Variants in IQSEC1 observed in about 807,000 individuals in gnomAD.
IQSEC1 encodes the protein IQ motif and Sec7 domain ArfGEF 1, also known as IQ motif and SEC7 domain-containing protein 1.
A neutral mutation model predicts 91.0 loss-of-function variants in IQSEC1; 31 were observed. That is an observed-to-expected ratio of 0.34 (90% CI 0.26 to 0.46). The LOEUF is 0.46. Among genes scored for constraint, IQSEC1 ranks in the 20% least tolerant of loss-of-function variants. The pLI is 1.00. For synonymous variants in IQSEC1, 699 were observed against 662.6 expected (o/e 1.05, Z -0.84); for missense variants, 1,388 against 1,575.6 (o/e 0.88, Z 2.02).
At chr3:12,980,924 G>A (rs1404202747) in intron 1 of IQSEC1, among the ~76,000 whole-genome samples, 3 of 152,218 alleles carry the variant, frequency 2.0e-5, no homozygotes, top group African/African-American at 7.2e-5. Flanking sequence ...TTGACCTCAG[G>A]AGGGACCCTG....
intron 1 of IQSEC1, among the ~76,000 whole-genome samples, chr3:13,185,945 T>C (rs1240226788): frequency 6.6e-6 from 1 of 152,240 alleles, no homozygotes; most frequent in East Asian, 1.9e-4. Flanking sequence ...GCGGGTCCCA[T>C]AGCAAATGCC....
chr3:13,113,729 C>T (rs1255091216), intron 2 of IQSEC1, among the ~76,000 whole-genome samples: 1 of 152,124 alleles, frequency 6.6e-6, no homozygotes, highest in African/African-American at 2.4e-5. Flanking sequence ...CAGCGTGGGC[C>T]GCATGGCAGG....
Position 13,252,218 on chromosome 3 carries a change from C to T in IQSEC1, c.272+30493G>A. Among the ~76,000 whole-genome samples the T allele has an allele frequency of 1.3e-5, 2 of 152,136 alleles. 1 individual carries two copies. The highest frequency in any genetic ancestry group is 3.9e-4 in the East Asian group (2 of 5,192). ...CTCACCAATCCCCCTCCCCTCAGCC[C>T]CTGGCGTCCATCCTTCCACTTTCTG... On this transcript the variant is annotated intron_variant, in intron 1 of 15. Coordinates refer to the IQSEC1 transcript ENST00000648114.
chr3:12,975,684 C>A (rs902714501), intron 1 of IQSEC1, among the ~76,000 whole-genome samples: 4 of 152,192 alleles, frequency 2.6e-5, no homozygotes, highest in Non-Finnish European at 4.4e-5. Context: ...GACAGGTTGT[C>A]TCATTTAAGC....
At chr3:13,005,522 C>CAGGA (rs1702600269) in intron 1 of IQSEC1, among the ~76,000 whole-genome samples, 1 of 152,162 alleles carries the variant, frequency 6.6e-6, no homozygotes. Context: ...GGCAGGCAGG[C>CAGGA]AGGAGGCGCC....
intron 2 of IQSEC1, among the ~76,000 whole-genome samples, chr3:13,154,356 C>T (rs566352228): frequency 8.1e-4 from 119 of 146,064 alleles, no homozygotes; most frequent in African/African-American, 2.9e-3. Context: ...GGAGGAAGCT[C>T]CCTGATGGGT....
rs560180293 is a variant in IQSEC1, at chr3:13,177,358, C to T, written c.273-13225G>A. Among the ~76,000 whole-genome samples, 19 of 152,350 alleles carry T rather than the reference C, an allele frequency of 1.2e-4. No individual in the cohort carries two copies. The East Asian group carries it at 3.7e-3, about 29-fold the overall frequency. On this transcript the variant is annotated intron_variant, in intron 1 of 15. Transcript: ENST00000648114. Reference sequence around the variant, plus strand: ...CTGCCACCCCCACCCCATCCCCATGCTGGGTAGAGAGAAAAGCAATGGCTT... The same window carrying T: ...CTGCCACCCCCACCCCATCCCCATGTTGGGTAGAGAGAAAAGCAATGGCTT...
intron 1 of IQSEC1, among the ~76,000 whole-genome samples, chr3:13,020,594 A>G (rs1185704766): frequency 6.6e-6 from 1 of 152,218 alleles, no homozygotes; most frequent in Non-Finnish European, 1.5e-5. Flanking sequence ...AGGACCCTGT[A>G]TATCTCTGTT....
rs140829429 is a variant in IQSEC1, at chr3:13,078,683, G to T, written c.303-31161C>A. 3.8e-3 allele frequency among the ~76,000 whole-genome samples: 580 copies of T among 152,310 alleles called. 2 individuals are homozygous for T. The highest frequency in any genetic ancestry group is 0.013 in the African/African-American group (556 of 41,570). On this transcript the variant is annotated intron_variant, in intron 2 of 15. Transcript: ENST00000648114. ...CAGGGCCCATCCAGCTGCGTGCTCT[G>T]CTGGTGTTTGCTTTGCTGTTGCAGT...
chr3:12,945,270 C>T lies in IQSEC1; in HGVS notation c.24-3405G>A, dbSNP rs144687139. 1.8e-4 allele frequency among the ~76,000 whole-genome samples: 27 copies of T among 152,156 alleles called. No individual in the cohort carries two copies. In the East Asian group the frequency reaches 5.0e-3, roughly 28 times the overall value. ...CTGGGCCTGTGGCAGCCCAGGATTC[C>T]GCTCTGGGCACTCCTGGGTTCCTGG... On this transcript the variant is annotated intron_variant, in intron 1 of 13. Transcript: ENST00000613206.
At chr3:13,245,908 A>G (rs1306396119) in intron 1 of IQSEC1, among the ~76,000 whole-genome samples, 3 of 152,144 alleles carry the variant, frequency 2.0e-5, no homozygotes, top group African/African-American at 7.2e-5. Context: ...CCTTTGTGGC[A>G]CACTGCCGGG....
At chr3:13,228,451 C>T (rs1184939261) in intron 1 of IQSEC1, among the ~76,000 whole-genome samples, 3 of 152,102 alleles carry the variant, frequency 2.0e-5, no homozygotes, top group Admixed American at 6.5e-5. Flanking sequence ...CAGGCGTGGT[C>T]GGAATTAAAG....
intron 1 of IQSEC1, among the ~76,000 whole-genome samples, chr3:13,177,868 G>T (rs1005361896): frequency 2.0e-5 from 3 of 152,192 alleles, no homozygotes; most frequent in Non-Finnish European, 4.4e-5. Context: ...GGGCTACACA[G>T]CCACTCTTGG....
At chr3:13,131,526 A>G (rs165439) in intron 2 of IQSEC1, among the ~76,000 whole-genome samples, 72,342 of 134,898 alleles carry the variant, frequency 0.54, 19,010 homozygotes, top group African/African-American at 0.68. Flanking sequence ...TCACTTTGTC[A>G]CCCAGACTGG....
intron 2 of IQSEC1, among the ~76,000 whole-genome samples, chr3:12,941,248 C>A (rs904625879): frequency 6.6e-6 from 1 of 152,204 alleles, no homozygotes; most frequent in African/African-American, 2.4e-5. Context: ...CCTATCATGG[C>A]CCCCCAGATC....
intron 1 of IQSEC1, among the ~76,000 whole-genome samples, chr3:13,213,284 T>C (rs1280282497): frequency 6.6e-6 from 1 of 152,244 alleles, no homozygotes; most frequent in Non-Finnish European, 1.5e-5. Context: ...CAGCAGCATT[T>C]GTTGAGGAGG....
At chr3:12,920,670 T>C in intron 5 of IQSEC1, 74 bp from the exon 6 acceptor site, 1 of 1,490,890 alleles carries the variant, frequency 6.7e-7, no homozygotes, top group Non-Finnish European at 9.3e-7. Context: ...CCGCTGAGGC[T>C]GTCATGTGCC....
chr3:13,045,665 T>C (rs1704467563), intron 1 of IQSEC1, among the ~76,000 whole-genome samples: 1 of 152,256 alleles, frequency 6.6e-6, no homozygotes, highest in Non-Finnish European at 1.5e-5. Context: ...AGAACTTTCC[T>C]GGGCTGGCCT....
At chr3:13,090,073 C>A (rs56357774) in intron 2 of IQSEC1, among the ~76,000 whole-genome samples, 175 of 148,282 alleles carry the variant, frequency 1.2e-3, no homozygotes, top group African/African-American at 4.1e-3. Context: ...AAAATATTAG[C>A]GGGGTGTGGT....
Sources: allele counts gnomAD v4.1 joint callset (sites outside exome capture counted in the v4.1 genomes callset), GRCh38; gene constraint gnomAD v4.1.1; transcripts MANE v1.5; gene names NCBI Gene and HGNC (gene_info 2026-07-23, HGNC 2026-07-21).